KLF15: variants seen among roughly 807,000 people sequenced by gnomAD.
KLF15 encodes the protein KLF transcription factor 15.
Under a neutral mutation model 24.6 loss-of-function variants are expected in KLF15, and 4 were observed. The observed-to-expected ratio is 0.16, with a 90% CI of 0.08 to 0.37. The LOEUF (loss-of-function observed/expected upper bound fraction) is 0.37, where lower values mean the gene tolerates loss of function less well. Ranked by LOEUF, KLF15 falls within the 10% of genes least tolerant of loss-of-function variation. The probability of loss-of-function intolerance (pLI) is 1.00; values close to 1 mark genes in which losing one functional copy is unlikely to be tolerated. For synonymous variants in KLF15, 246 were observed against 236.3 expected (o/e 1.04, Z -0.37); for missense variants, 496 against 560.6 (o/e 0.88, Z 1.16).
chr3:126,289,418 G>C, the KLF15 span, among the ~76,000 whole-genome samples: 1 of 152,180 alleles, frequency 6.6e-6, no homozygotes. Context: ...TAGAAGTAAT[G>C]TGCCAATGGT....
the KLF15 span, among the ~76,000 whole-genome samples, chr3:126,309,081 G>C: frequency 6.6e-6 from 1 of 152,248 alleles, no homozygotes; most frequent in African/African-American, 2.4e-5. Context: ...CCAGTAATGG[G>C]CGCCACTGAC....
chr3:126,340,205 C>T (rs950407669), downstream of KLF15, among the ~76,000 whole-genome samples: 1 of 152,216 alleles, frequency 6.6e-6, no homozygotes, highest in Admixed American at 6.5e-5. Context: ...CAACATGTGC[C>T]CCACATTCCA....
At chr3:126,302,440 C>T in the KLF15 span, among the ~76,000 whole-genome samples, 1 of 151,866 alleles carries the variant, frequency 6.6e-6, no homozygotes, top group Non-Finnish European at 1.5e-5. Context: ...GGCTGATTTT[C>T]TGTTTATTTC....
the KLF15 span, among the ~76,000 whole-genome samples, chr3:126,295,795 T>A: frequency 2.6e-5 from 4 of 152,236 alleles, no homozygotes; most frequent in Non-Finnish European, 5.9e-5. Context: ...TCATGTCTGA[T>A]CAGATTCTTC....
the KLF15 span, among the ~76,000 whole-genome samples, chr3:126,334,119 AT>A: frequency 6.6e-6 from 1 of 151,886 alleles, no homozygotes; most frequent in African/African-American, 2.4e-5. Flanking sequence ...CACAATATAC[AT>A]TTTTTTCAGC....
chr3:126,316,562 CG>C, the KLF15 span, among the ~76,000 whole-genome samples: 15 of 131,698 alleles, frequency 1.1e-4, no homozygotes, highest in Non-Finnish European at 1.7e-4. Flanking sequence ...AGAGGGTACA[CG>C]GGCTGGAGTA....
At chr3:126,317,497 A>G in the KLF15 span, among the ~76,000 whole-genome samples, 1 of 152,182 alleles carries the variant, frequency 6.6e-6, no homozygotes, top group Non-Finnish European at 1.5e-5. Context: ...AAGAGGCAAA[A>G]TGGCAGAGTT....
chr3:126,351,713 C>G, intron 2 of KLF15, 128 bp downstream of exon 2: 1 of 1,099,126 alleles, frequency 9.1e-7, no homozygotes, highest in South Asian at 1.6e-5. Context: ...GGCCTGCACC[C>G]GCCTGCCCCT....
the KLF15 span, among the ~76,000 whole-genome samples, chr3:126,289,807 C>T: frequency 6.6e-6 from 1 of 152,200 alleles, no homozygotes; most frequent in Non-Finnish European, 1.5e-5. Context: ...CCTCGATCAA[C>T]TTAGAAGTTT....
chr3:126,334,173 C>A, the KLF15 span, among the ~76,000 whole-genome samples: 2 of 151,892 alleles, frequency 1.3e-5, no homozygotes, highest in Admixed American at 6.6e-5. Context: ...TAGTTGGAAG[C>A]AAAGCTCTCC....
intron 1 of KLF15, among the ~76,000 whole-genome samples, chr3:126,354,445 C>A (rs1017688806): frequency 3.3e-5 from 5 of 152,180 alleles, no homozygotes; most frequent in African/African-American, 1.2e-4. Context: ...CAAGTCCTTG[C>A]TCCCCTTCCC....
the KLF15 span, among the ~76,000 whole-genome samples, chr3:126,335,863 AC>A: frequency 8.4e-6 from 1 of 119,204 alleles, no homozygotes; most frequent in South Asian, 3.3e-4. Flanking sequence ...AATCCAACTT[AC>A]AAGGGATGTG....
Position 126,355,909 on chromosome 3 carries a change from G to A in KLF15, c.-26+1328C>T, listed in dbSNP as rs112387096. Among the ~76,000 whole-genome samples, 1,012 of 152,350 alleles carry A rather than the reference G, an allele frequency of 6.6e-3. 13 individuals are homozygous for A. The highest frequency in any genetic ancestry group is 0.023 in the African/African-American group (943 of 41,580). On this transcript the variant is annotated intron_variant, in intron 1 of 2. Transcript: ENST00000296233. ...ATTAAAGAGAGGACACTCTAGGGCT[G>A]GAGCTGGCTCGGCCCCTGAAACACA...
chr3:126,349,689 G>A lies in KLF15; in HGVS notation c.1082+2152C>T, dbSNP rs116534097. On this transcript the variant is annotated intron_variant, in intron 2 of 2. Transcript: ENST00000296233. The stretch of plus-strand genomic sequence containing the variant: ...TCCCCATCACCCTACCCAGCCTCAC[G>A]GCATCTAGAGGAGCTACTTGCCAAC... Among the ~76,000 whole-genome samples the A allele has an allele frequency of 6.1e-3, 930 of 152,280 alleles. 3 individuals are homozygous for A. The highest frequency in any genetic ancestry group is 0.01 in the Middle Eastern group (3 of 294).
At chr3:126,295,892 T>C in the KLF15 span, among the ~76,000 whole-genome samples, 1 of 152,250 alleles carries the variant, frequency 6.6e-6, no homozygotes, top group East Asian at 1.9e-4. Flanking sequence ...AGGGACCCCC[T>C]AAACCCTGAT....
rs1162956384 is a variant in KLF15 at position 126,352,861 on chromosome 3, T to C, written c.62A>G (p.Tyr21Cys). Residue 21 changes from tyrosine (Y) to cysteine (C), a missense_variant, in exon 2 of 3, where the codon TAT becomes TGT. Around this residue, in one of 3 missense-constraint regions of KLF15, gnomAD observed 399 missense variants for 423.1 expected, o/e 0.94. Transcript: ENST00000296233. Reference sequence around the variant, plus strand: ...CCGGCCAACCAGCCTATCACCCAGATACCCAACTGGGCATTTTGGCGACGA... The same window carrying C: ...CCGGCCAACCAGCCTATCACCCAGACACCCAACTGGGCATTTTGGCGACGA... Reference protein sequence around the residue: ...NFSSPKCPVGYLGDRLVGRRA... With the variant: ...NFSSPKCPVGCLGDRLVGRRA... The C allele has an allele frequency of 6.2e-7, 1 of 1,612,548 alleles. No homozygotes were observed. Among genetic ancestry groups the C allele is most frequent in the Non-Finnish European group, 8.5e-7 (1 of 1,179,808 alleles).
the KLF15 span, among the ~76,000 whole-genome samples, chr3:126,326,934 G>A: frequency 1.8e-4 from 28 of 151,936 alleles, no homozygotes; most frequent in African/African-American, 5.6e-4. Flanking sequence ...CAAGCATTGC[G>A]GATAGTGCAA....
the KLF15 span, among the ~76,000 whole-genome samples, chr3:126,300,581 C>A: frequency 6.6e-6 from 1 of 152,226 alleles, no homozygotes; most frequent in Non-Finnish European, 1.5e-5. Context: ...CCCCTTTCCC[C>A]GTCCCCATGC....
At chr3:126,340,094 G>A (rs141037807), downstream of KLF15, among the ~76,000 whole-genome samples, 16 of 152,340 alleles carry the variant, frequency 1.1e-4, no homozygotes, top group East Asian at 1.9e-4. Flanking sequence ...CTGCCAGCTC[G>A]TGGGAAGGGG....
Sources: allele counts gnomAD v4.1 joint callset (sites outside exome capture counted in the v4.1 genomes callset), GRCh38; gene constraint gnomAD v4.1.1; regional missense constraint gnomAD v4.1.1; transcripts MANE v1.5; gene names NCBI Gene and HGNC (gene_info 2026-07-23, HGNC 2026-07-21).